IMPDH1: variants seen among roughly 807,000 people sequenced by gnomAD.
The protein encoded by IMPDH1 is inosine monophosphate dehydrogenase 1.
Under a neutral mutation model 73.5 loss-of-function variants are expected in IMPDH1, and 41 were observed. The observed-to-expected ratio is 0.56, with a 90% CI of 0.43 to 0.72. IMPDH1 has a LOEUF of 0.72. Among genes scored for constraint, IMPDH1 ranks in the 30% least tolerant of loss-of-function variants. The pLI, the probability that IMPDH1 is intolerant of heterozygous loss-of-function variation, is 0.00. For synonymous variants in IMPDH1, 318 were observed against 334.3 expected, an observed-to-expected ratio of 0.95 and a Z score of 0.53; for missense variants, 645 against 824.8, an observed-to-expected ratio of 0.78 and a Z score of 2.67.
intron 3 of IMPDH1, chr7:128,406,077 C>G (rs1393193422): frequency 6.1e-6 from 1 of 162,714 alleles, no homozygotes; most frequent in Non-Finnish European, 1.3e-5. Context: ...TCGCCCCTCC[C>G]GCGGAAACCG....
At chr7:128,395,084 A>G in intron 13 of IMPDH1, 47 bp downstream of exon 13, 10 of 1,613,550 alleles carry the variant, frequency 6.2e-6, no homozygotes, top group Non-Finnish European at 8.5e-6. Flanking sequence ...CCACCCCCCC[A>G]GCTTCCAGCC....
Position 128,393,169 on chromosome 7 carries a change from G to A in IMPDH1, c.1779-141C>T, listed in dbSNP as rs927879637. 3.4e-5 allele frequency: 31 copies of A among 907,030 alleles called. 1 individual carries two copies. The highest frequency in any genetic ancestry group is 5.4e-5 in the Non-Finnish European group (30 of 556,256). 56.2% of individuals were successfully genotyped at this position (907,030 alleles called of 1,614,324 possible). ...GAGATCTCAGCCGTACGGCGCAGGA[G>A]GAGGGCCTGGAGCAGGCCCTAGGCC... On this transcript the variant is annotated intron_variant, in intron 16 of 16. Coordinates refer to ENST00000338791, the MANE Select transcript of IMPDH1 (RefSeq NM_000883.4).
Position 128,398,290 on chromosome 7 carries a change from AAG to A in IMPDH1, c.1074+122_1074+123del. ...ATTCTGACACCAGGGAGCACTCAGA[AAG>A]AGAGAGGAAGAGTAGCAAGGGAGGG... On this transcript the variant is annotated intron_variant, in intron 10 of 16. Coordinates refer to ENST00000338791, the MANE Select transcript of IMPDH1 (RefSeq NM_000883.4). This position sits in a 1 kb window ranked among gnomAD's most constrained non-coding sequence, Gnocchi z 4.3. 8.0e-6 allele frequency: 6 copies of A among 750,110 alleles called. No homozygotes were observed. Among genetic ancestry groups the A allele is most frequent in the Non-Finnish European group, 1.4e-5 (6 of 442,728 alleles). 46.5% of individuals were successfully genotyped at this position (750,110 alleles called of 1,614,324 possible).
intron 10 of IMPDH1, 126 bp from the exon 11 acceptor site, chr7:128,397,148 GTTGT>G (rs1312616612): frequency 5.7e-5 from 33 of 574,574 alleles, no homozygotes; most frequent in African/African-American, 9.4e-5. Flanking sequence ...TTTCCTTCTG[GTTGT>G]TTTTTTTTTT....
At position 128,398,523 on chromosome 7, in the gene IMPDH1, G is replaced by T; in HGVS notation, c.965C>A (p.Ser322Tyr). The change falls in exon 10 of 17, where the codon TCC (serine) becomes TAC (tyrosine). Residue 322 changes from serine (S) to tyrosine (Y), a missense_variant. Coordinates refer to ENST00000338791, the MANE Select transcript of IMPDH1 (RefSeq NM_000883.4). This position sits in a 1 kb window ranked among gnomAD's most constrained non-coding sequence, Gnocchi z 4.3. Reference protein sequence around the residue: ...LKKNRDYPLASKDSQKQLLCG... With the variant: ...LKKNRDYPLAYKDSQKQLLCG... ...GAGCAGCTGCTTCTGGGAATCCTTG[G>T]AGGCCAGAGGGTAGTCTCGGTTCTT... is the stretch of plus-strand genomic sequence containing the variant. 2 of 1,613,782 alleles carry T rather than the reference G, an allele frequency of 1.2e-6. No homozygotes were observed. Among genetic ancestry groups the T allele is most frequent in the Non-Finnish European group, 1.7e-6 (2 of 1,179,844 alleles).
intron 12 of IMPDH1, 55 bp from the exon 13 acceptor site, chr7:128,395,329 C>T (rs1269416657): frequency 1.9e-6 from 3 of 1,603,138 alleles, no homozygotes; most frequent in Non-Finnish European, 2.6e-6. Context: ...ACTCCGGGGC[C>T]TGGAGCGGGG....
At chr7:128,404,618 A>C (rs1798577142) in intron 4 of IMPDH1, among the ~76,000 whole-genome samples, 1 of 152,144 alleles carries the variant, frequency 6.6e-6, no homozygotes, top group Admixed American at 6.5e-5. Flanking sequence ...AGGAAAAGCC[A>C]CAGGGTGGAG....
In IMPDH1 at chr7:128,398,627, C is replaced by T. The variant is rs1264865010; in HGVS notation, c.875-14G>A. ...TAGGCAGCTTCCCTGACAAGGAATG[C>T]AGGGGTGAAATGAAGCAGGCTTGGT... On this transcript the variant is annotated splice_polypyrimidine_tract_variant and intron_variant, in intron 9 of 16. Coordinates refer to ENST00000338791, the MANE Select transcript of IMPDH1 (RefSeq NM_000883.4). This position sits in a 1 kb window ranked among gnomAD's most constrained non-coding sequence, Gnocchi z 4.3. The T allele has an allele frequency of 4.3e-6, 7 of 1,609,594 alleles. No homozygotes were observed. In the South Asian group the frequency reaches 7.7e-5, roughly 18 times the overall value.
chr7:128,404,543 T>C (rs1359750187), intron 4 of IMPDH1, among the ~76,000 whole-genome samples: 5 of 151,756 alleles, frequency 3.3e-5, no homozygotes, highest in Non-Finnish European at 7.4e-5. Flanking sequence ...CAAAAGCAAA[T>C]ATCCCACACT....
In IMPDH1 at chr7:128,409,802, G is replaced by A; in HGVS notation, c.100C>T (p.Gln34Ter). ...TGCAGCAGTCGGGCGCTGTACCGCT[G>A]CGCCGCCGTCTCGTGTCCCGGGTGT... ...RQHPGHETAA[Q>*]RYSARLLQAG... is the part of the protein sequence containing the mutation. The change falls in exon 1 of 17, where the codon CAG becomes TAG. Residue 34 changes from glutamine to a stop codon, truncating the protein, a stop_gained. Coordinates refer to ENST00000338791, the MANE Select transcript of IMPDH1 (RefSeq NM_000883.4). LOFTEE classifies it high-confidence loss of function. 6.7e-7 allele frequency: 1 copy of A among 1,502,012 alleles called. No homozygotes were observed. The highest frequency in any genetic ancestry group is 8.8e-7 in the Non-Finnish European group (1 of 1,133,084). The allele number at this position is 1,502,012 out of a possible 1,614,324, so 93.0% of individuals were successfully genotyped here.
In IMPDH1 at chr7:128,400,799, G is replaced by A; in HGVS notation, c.579+18C>T. The A allele has an allele frequency of 1.9e-6, 3 of 1,611,454 alleles. No individual in the cohort carries two copies. The highest frequency in any genetic ancestry group is 2.5e-6 in the Non-Finnish European group (3 of 1,177,810). On this transcript the variant is annotated intron_variant, in intron 7 of 16. Coordinates refer to ENST00000338791, the MANE Select transcript of IMPDH1 (RefSeq NM_000883.4). ...GACTGCCAGGTGGCATCTTGCTGGG[G>A]ACAGGCCTGGTACTTGCCTTGACCT...
chr7:128,395,248 T>C lies in IMPDH1; in HGVS notation c.1288A>G (p.Thr430Ala). 6.2e-7 allele frequency: 1 copy of C among 1,613,628 alleles called. No homozygotes were observed. Among genetic ancestry groups the C allele is most frequent in the South Asian group, 1.1e-5 (1 of 91,064 alleles). The change falls in exon 13 of 17, where the codon ACT (threonine) becomes GCT (alanine). Residue 430 changes from threonine to alanine, a missense_variant. By Grantham distance (58) the Thr-to-Ala change is moderately conservative. Around this residue, in one of 2 missense-constraint regions of IMPDH1, gnomAD observed 459 missense variants for 638.2 expected, o/e 0.72. Transcript: ENST00000338791. ...TACTCAGCCACCTTGTACACAGCAG[T>C]GCCCTGGGGCCGACCACAGGCCATC... ...EVMACGRPQG[T>A]AVYKVAEYAR...
At chr7:128,404,944 G>A (rs1191952886) in intron 4 of IMPDH1, among the ~76,000 whole-genome samples, 1 of 152,230 alleles carries the variant, frequency 6.6e-6, no homozygotes, top group Non-Finnish European at 1.5e-5. Context: ...GGTGTTTAGG[G>A]AAACTGCTGG....
intron 16 of IMPDH1, among the ~76,000 whole-genome samples, chr7:128,393,571 CG>C (rs1194997171): frequency 1.3e-5 from 2 of 151,894 alleles, no homozygotes; most frequent in African/African-American, 4.8e-5. Context: ...GTTAGGGGGC[CG>C]GGGGGGCCCA....
chr7:128,405,268 T>C (rs909713738), intron 4 of IMPDH1, among the ~76,000 whole-genome samples: 1 of 152,146 alleles, frequency 6.6e-6, no homozygotes, highest in East Asian at 1.9e-4. Flanking sequence ...AATACCAACC[T>C]GTGGGCAGGG....
Position 128,398,730 on chromosome 7 carries a change from T to C in IMPDH1, c.875-117A>G. ...CAGAGATTCCACTGAAGTACCCCAGTCAGCCACTAGGTGACAGCACCGCCC... is the reference window on the plus strand; with the variant it reads ...CAGAGATTCCACTGAAGTACCCCAGCCAGCCACTAGGTGACAGCACCGCCC... On this transcript the variant is annotated intron_variant, in intron 9 of 16. Coordinates refer to ENST00000338791, the MANE Select transcript of IMPDH1 (RefSeq NM_000883.4). This position sits in a 1 kb window ranked among gnomAD's most constrained non-coding sequence, Gnocchi z 4.3. 3 of 812,340 alleles carry C rather than the reference T, an allele frequency of 3.7e-6. No homozygotes were observed. The highest frequency in any genetic ancestry group is 1.7e-5 in the African/African-American group (1 of 60,016). The allele number at this position is 812,340 out of a possible 1,614,324, so 50.3% of individuals were successfully genotyped here. A position where few individuals can be genotyped will look rare whatever the true frequency, so the allele number is the denominator to read the frequency against.
intron 4 of IMPDH1, among the ~76,000 whole-genome samples, chr7:128,405,088 G>A (rs373155384): frequency 6.6e-6 from 1 of 152,234 alleles, no homozygotes; most frequent in African/African-American, 2.4e-5. Flanking sequence ...CAGCCAGGAG[G>A]CAGAGCTAGT....
intron 1 of IMPDH1, 76 bp downstream of exon 1, chr7:128,409,680 C>G (rs1310312932): frequency 2.6e-6 from 4 of 1,519,504 alleles, no homozygotes; most frequent in Admixed American, 2.0e-5. Context: ...GCAGCGTCGC[C>G]GGGTTCCCGG....
intron 4 of IMPDH1, 40 bp from the exon 5 acceptor site, chr7:128,403,794 G>T: frequency 6.3e-7 from 1 of 1,583,382 alleles, no homozygotes; most frequent in Non-Finnish European, 8.7e-7. Flanking sequence ...GTGGGGAGGG[G>T]TGCCCCAAAG....
Sources: allele counts gnomAD v4.1 joint callset (sites outside exome capture counted in the v4.1 genomes callset), GRCh38; gene constraint gnomAD v4.1.1; regional missense constraint gnomAD v4.1.1; non-coding constraint Gnocchi (gnomAD v3.1); transcripts MANE v1.5; gene names NCBI Gene and HGNC (gene_info 2026-07-23, HGNC 2026-07-21).